FGF14: variants seen among roughly 807,000 people sequenced by gnomAD.
FGF14 encodes fibroblast growth factor homologous factor 4.
Under a neutral mutation model 25.5 loss-of-function variants are expected in FGF14, and 5 were observed. That is an observed-to-expected ratio of 0.20 (90% CI 0.10 to 0.41). The LOEUF (loss-of-function observed/expected upper bound fraction) is 0.41. Among genes scored for constraint, FGF14 ranks in the 10% least tolerant of loss-of-function variants. FGF14 has a pLI of 1.00. For synonymous variants in FGF14, 138 were observed against 118.3 expected, an observed-to-expected ratio of 1.17 and a Z score of -1.08; for missense variants, 222 against 320.1, an observed-to-expected ratio of 0.69 and a Z score of 2.34.
At chr13:101,900,244 A>T (rs1158521140) in intron 1 of FGF14, among the ~76,000 whole-genome samples, 1 of 152,172 alleles carries the variant, frequency 6.6e-6, no homozygotes, top group Non-Finnish European at 1.5e-5. Flanking sequence ...TCAATGGCTT[A>T]AAATCAACAA....
chr13:101,965,656 T>C (rs1386064149), intron 1 of FGF14, among the ~76,000 whole-genome samples: 2 of 144,986 alleles, frequency 1.4e-5, no homozygotes, highest in African/African-American at 5.1e-5. Context: ...TGTGAGATCC[T>C]AAAAAGGATT....
In FGF14 at chr13:102,129,582, T is replaced by C. The variant is rs538081805; in HGVS notation, c.209-254286A>G. The stretch of plus-strand genomic sequence containing the variant: ...CCCTTCCTCAATTCCTTACAATGTG[T>C]ACACACTAGTTCTCTTTGGGAAGAA... On this transcript the variant is annotated intron_variant, in intron 1 of 4. Coordinates refer to the FGF14 transcript ENST00000376131. Among the ~76,000 whole-genome samples the C allele has an allele frequency of 2.9e-4, 44 of 152,188 alleles. 1 individual carries two copies. The South Asian group carries it at 9.1e-3, about 32-fold the overall frequency.
intron 3 of FGF14, among the ~76,000 whole-genome samples, chr13:101,775,807 T>C (rs181391829): frequency 4.3e-4 from 65 of 152,280 alleles, no homozygotes; most frequent in African/African-American, 1.5e-3. Flanking sequence ...TTAATAGTTA[T>C]TGAGCCAAGG....
chr13:102,241,238 T>C (rs1478462861), intron 1 of FGF14, among the ~76,000 whole-genome samples: 1 of 152,056 alleles, frequency 6.6e-6, no homozygotes, highest in East Asian at 1.9e-4. Context: ...TTCCTGGTGA[T>C]TTTTTTCCCC....
chr13:101,980,977 C>G (rs553129266), intron 1 of FGF14, among the ~76,000 whole-genome samples: 2 of 151,916 alleles, frequency 1.3e-5, no homozygotes, highest in African/African-American at 4.8e-5. Flanking sequence ...TGTGGTGGCT[C>G]AAGCCTGTAA....
intron 1 of FGF14, among the ~76,000 whole-genome samples, chr13:102,336,790 C>T (rs2056800690): frequency 6.6e-6 from 1 of 152,176 alleles, no homozygotes; most frequent in South Asian, 2.1e-4. Flanking sequence ...ATTCATCATT[C>T]TGAAAATCCT....
intron 1 of FGF14, among the ~76,000 whole-genome samples, chr13:101,890,132 T>G (rs555021321): frequency 6.6e-6 from 1 of 152,296 alleles, no homozygotes; most frequent in South Asian, 2.1e-4. Flanking sequence ...TCCTTTAGAC[T>G]AAAAAGTGTA....
At chr13:102,065,414 C>T (rs1312427668) in intron 1 of FGF14, among the ~76,000 whole-genome samples, 3 of 152,018 alleles carry the variant, frequency 2.0e-5, no homozygotes, top group Non-Finnish European at 4.4e-5. Context: ...TTTGAGTATA[C>T]AATGACACAG....
intron 1 of FGF14, among the ~76,000 whole-genome samples, chr13:102,260,332 C>G (rs887849722): frequency 1.3e-4 from 20 of 152,286 alleles, no homozygotes; most frequent in Middle Eastern, 3.4e-3. Flanking sequence ...AACCCAACCA[C>G]GCTTTTTTTT....
chr13:102,364,654 A>G (rs1407928822), intron 1 of FGF14, among the ~76,000 whole-genome samples: 42 of 152,344 alleles, frequency 2.8e-4, no homozygotes. Flanking sequence ...AGATTATACA[A>G]TGGCAGAGAC....
intron 1 of FGF14, among the ~76,000 whole-genome samples, chr13:102,037,638 A>T (rs949040338): frequency 2.0e-5 from 3 of 152,202 alleles, no homozygotes; most frequent in African/African-American, 7.2e-5. Context: ...ATAAATACCT[A>T]GTGGGTACCT....
intron 1 of FGF14, among the ~76,000 whole-genome samples, chr13:102,334,719 T>C (rs1292019333): frequency 6.6e-6 from 1 of 152,232 alleles, no homozygotes. Flanking sequence ...ATAGAAATAA[T>C]TTGGCTTTCT....
upstream of FGF14, among the ~76,000 whole-genome samples, chr13:101,917,152 A>C (rs2139134244): frequency 6.6e-6 from 1 of 151,640 alleles, no homozygotes; most frequent in East Asian, 2.0e-4. Context: ...GCCGGGCTCC[A>C]GCTGCCCGCG....
intron 3 of FGF14, among the ~76,000 whole-genome samples, chr13:101,799,062 T>C (rs1281878571): frequency 6.6e-6 from 1 of 152,130 alleles, no homozygotes; most frequent in Non-Finnish European, 1.5e-5. Flanking sequence ...ACAAAATAAC[T>C]ATTTGCTGCA....
chr13:101,864,119 A>C (rs909861322), intron 3 of FGF14, among the ~76,000 whole-genome samples: 8 of 152,146 alleles, frequency 5.3e-5, no homozygotes, highest in African/African-American at 1.7e-4. Flanking sequence ...TTGATTAAAG[A>C]ACTTTCATAT....
At chr13:102,348,015 A>AG (rs1350136441) in intron 1 of FGF14, among the ~76,000 whole-genome samples, 1 of 152,160 alleles carries the variant, frequency 6.6e-6, no homozygotes, top group Non-Finnish European at 1.5e-5. Flanking sequence ...TAAAAAAAAA[A>AG]AAAAAGCAAT....
At position 101,884,825 on chromosome 13, in the gene FGF14, C is replaced by G. The variant is rs184870307; in HGVS notation, c.194-9529G>C. On this transcript the variant is annotated intron_variant, in intron 1 of 4. Coordinates refer to ENST00000376143, the MANE Select transcript of FGF14 (RefSeq NM_004115.4). ...AAAAGCACTAGTTTAGGATCCCTGT[C>G]TCCCTGCCTAATCTTGACCAAACAC... Among the ~76,000 whole-genome samples the G allele has an allele frequency of 2.0e-5, 3 of 151,502 alleles. No homozygotes were observed. In the East Asian group the frequency reaches 5.8e-4, roughly 29 times the overall value.
intron 1 of FGF14, among the ~76,000 whole-genome samples, chr13:102,161,574 A>AAG (rs1555369410): frequency 0.094 from 489 of 5,202 alleles, 51 homozygotes; most frequent in South Asian, 0.18. Flanking sequence ...GTGAAGAAAG[A>AAG]AAGAAGAAGA....
chr13:102,129,873 T>C (rs2046118378), intron 1 of FGF14, among the ~76,000 whole-genome samples: 1 of 152,136 alleles, frequency 6.6e-6, no homozygotes, highest in African/African-American at 2.4e-5. Flanking sequence ...AAATTAAAGT[T>C]CTCCATTGCA....
Sources: gnomAD v4.1 joint callset for allele counts (sites outside exome capture counted in the v4.1 genomes callset) on GRCh38, gnomAD v4.1.1 for gene constraint, MANE v1.5 for transcripts, NCBI Gene and HGNC (gene_info 2026-07-23, HGNC 2026-07-21) for gene names.